FSD1L: variants seen among roughly 807,000 people sequenced by gnomAD.
The protein encoded by FSD1L is FSD1-like protein.
In FSD1L, 45 loss-of-function variants were observed where a neutral mutation model predicts 71.6. That is an observed-to-expected ratio of 0.63 (90% CI 0.49 to 0.81). FSD1L has a LOEUF of 0.81. Ranked by LOEUF, FSD1L falls within the 30% of genes least tolerant of loss-of-function variation. The pLI, the probability that FSD1L is intolerant of heterozygous loss-of-function variation, is 0.00. For synonymous variants in FSD1L, 197 were observed against 207.2 expected, an observed-to-expected ratio of 0.95 and a Z score of 0.42; for missense variants, 561 against 618.1, an observed-to-expected ratio of 0.91 and a Z score of 0.98.
rs1191519308 is a variant in FSD1L at position 105,452,669 on chromosome 9, G to GCCTGCCTGCCTGCCTTCCTT, written c.15+4437_15+4438insGCCTGCCTGCCTTCCTTCCT. Among the ~76,000 whole-genome samples the GCCTGCCTGCCTGCCTTCCTT allele has an allele frequency of 9.9e-4, 95 of 96,220 alleles. 2 individuals are homozygous for GCCTGCCTGCCTGCCTTCCTT. Among genetic ancestry groups the GCCTGCCTGCCTGCCTTCCTT allele is most frequent in the African/African-American group, 3.4e-3 (79 of 23,578 alleles). 63.1% of individuals were successfully genotyped at this position (96,220 alleles called of 152,430 possible). A position where few individuals can be genotyped will look rare whatever the true frequency, so the allele number is the denominator to read the frequency against. On this transcript the variant is annotated intron_variant, in intron 1 of 13. Transcript: ENST00000481272. ...TGCCTGCCTGCCTGCCTGCCTGCCTGCCTTCCTTCCTTCCTTCCTTCCTTC... is the reference window on the plus strand; with the variant it reads ...TGCCTGCCTGCCTGCCTGCCTGCCTGCCTGCCTGCCTGCCTTCCTTCCTTCCTTCCTTCCTTCCTTCCTTC...
At chr9:105,508,501 C>T in intron 8 of FSD1L, 116 bp from the exon 9 acceptor site, 1 of 640,842 alleles carries the variant, frequency 1.6e-6, no homozygotes, top group South Asian at 1.6e-5. Flanking sequence ...TTAACAAATT[C>T]ATACTCTTCC....
chr9:105,544,290 A>T (rs1420073754), intron 13 of FSD1L, among the ~76,000 whole-genome samples: 1 of 151,770 alleles, frequency 6.6e-6, no homozygotes, highest in African/African-American at 2.4e-5. Flanking sequence ...TTTTTCTTGT[A>T]AATTTGTTTG....
At chr9:105,510,899 T>TAC (rs1399774617) in intron 9 of FSD1L, among the ~76,000 whole-genome samples, 3 of 152,118 alleles carry the variant, frequency 2.0e-5, no homozygotes, top group Admixed American at 2.0e-4. Flanking sequence ...TGGTACTTTG[T>TAC]TTTCACAGAC....
intron 7 of FSD1L, among the ~76,000 whole-genome samples, chr9:105,498,988 T>C (rs1833603319): frequency 2.6e-5 from 4 of 152,224 alleles, no homozygotes; most frequent in Admixed American, 2.6e-4. Context: ...GTTAAGTGAT[T>C]TCTAATTTAA....
intron 1 of FSD1L, among the ~76,000 whole-genome samples, chr9:105,458,858 T>G (rs1588920304): frequency 1.3e-5 from 2 of 152,282 alleles, no homozygotes; most frequent in South Asian, 4.2e-4. Flanking sequence ...ACTTTGTGAC[T>G]TCACGTAGAG....
At position 105,535,192 on chromosome 9, in the gene FSD1L, A is replaced by T; in HGVS notation, c.1252A>T (p.Thr418Ser). 4 of 1,552,092 alleles carry T rather than the reference A, an allele frequency of 2.6e-6. No individual in the cohort carries two copies. In the South Asian group the frequency reaches 3.6e-5, roughly 14 times the overall value. The change falls in exon 12 of 14, where the codon ACT becomes TCT. Residue 418 changes from threonine to serine, a missense_variant. By Grantham distance (58) the Thr-to-Ser change is moderately conservative. Coordinates refer to ENST00000481272, the MANE Select transcript of FSD1L (RefSeq NM_001145313.3). The part of the protein sequence containing the change: ...GKFDQLGKTN[T>S]SWCIHVNNWL... The stretch of plus-strand genomic sequence containing the variant: ...ATTTGACCAATTGGGAAAGACAAAC[A>T]CTAGTTGGTGTATCCATGTCAACAA...
chr9:105,513,041 T>G (rs1312589004), intron 10 of FSD1L, 105 bp downstream of exon 10: 29 of 903,608 alleles, frequency 3.2e-5, no homozygotes, highest in Non-Finnish European at 3.9e-5. Flanking sequence ...CTATGAGAGT[T>G]ACAGTATATT....
intron 7 of FSD1L, among the ~76,000 whole-genome samples, chr9:105,490,121 A>G (rs1832825377): frequency 1.3e-5 from 2 of 152,376 alleles, no homozygotes; most frequent in Non-Finnish European, 1.5e-5. Context: ...AGTCCCACCA[A>G]CAGTGTAAAA....
intron 10 of FSD1L, chr9:105,521,193 C>T (rs1456400422): frequency 5.6e-6 from 9 of 1,614,030 alleles, no homozygotes; most frequent in East Asian, 2.2e-5. Context: ...TTCTTTCTGG[C>T]TGGAGCCAAA....
chr9:105,492,643 A>G (rs2131755985), intron 7 of FSD1L, among the ~76,000 whole-genome samples: 1 of 152,252 alleles, frequency 6.6e-6, no homozygotes, highest in South Asian at 2.1e-4. Context: ...ATTTAGTGTT[A>G]TAAATTTCCC....
At chr9:105,524,070 A>G in intron 10 of FSD1L, 1 of 1,610,546 alleles carries the variant, frequency 6.2e-7, no homozygotes, top group Non-Finnish European at 8.5e-7. Context: ...TAAGGAACTT[A>G]TAATCAAAAC....
chr9:105,535,408 G>A (rs1250138156), intron 12 of FSD1L, 90 bp downstream of exon 12: 1 of 1,339,720 alleles, frequency 7.5e-7, no homozygotes, highest in East Asian at 2.5e-5. Context: ...ATTTCCATTA[G>A]TATTGTGGGA....
chr9:105,468,137 G>GT, intron 3 of FSD1L, 56 bp from the exon 4 acceptor site: 1 of 1,254,236 alleles, frequency 8.0e-7, no homozygotes, highest in Non-Finnish European at 1.0e-6. Context: ...TACCTTTTAG[G>GT]TTTTAAATGT....
intron 7 of FSD1L, among the ~76,000 whole-genome samples, chr9:105,495,796 G>A (rs1404973410): frequency 2.6e-5 from 4 of 152,138 alleles, no homozygotes; most frequent in Non-Finnish European, 5.9e-5. Context: ...CTAACATGGT[G>A]AAACCTCCTC....
upstream of FSD1L, among the ~76,000 whole-genome samples, chr9:105,444,078 C>T (rs553760923): frequency 7.2e-4 from 109 of 152,106 alleles, 1 homozygote; most frequent in African/African-American, 2.6e-3. Context: ...GATTATACTC[C>T]AGAAAAAACA....
intron 1 of FSD1L, 63 bp from the exon 2 acceptor site, chr9:105,461,457 C>A: frequency 3.0e-6 from 2 of 664,840 alleles, no homozygotes; most frequent in Non-Finnish European, 2.5e-6. Flanking sequence ...TTAATTTATC[C>A]TGTTTTTCCT....
intron 2 of FSD1L, among the ~76,000 whole-genome samples, chr9:105,461,840 C>T (rs1037620115): frequency 1.3e-5 from 2 of 152,082 alleles, no homozygotes; most frequent in South Asian, 4.1e-4. Context: ...ATAGTGAGAC[C>T]TCGTCTCTAC....
intron 7 of FSD1L, among the ~76,000 whole-genome samples, chr9:105,503,411 T>C (rs1833883231): frequency 6.6e-6 from 1 of 152,238 alleles, no homozygotes; most frequent in East Asian, 1.9e-4. Flanking sequence ...GAAGTGACGA[T>C]GATCAATGAC....
intron 1 of FSD1L, among the ~76,000 whole-genome samples, chr9:105,449,359 T>A (rs1184180646): frequency 1.3e-5 from 2 of 152,236 alleles, no homozygotes; most frequent in Admixed American, 1.3e-4. Context: ...AGGCATTTTT[T>A]AAAAATTAGA....
Sources: gnomAD v4.1 joint callset for allele counts (sites outside exome capture counted in the v4.1 genomes callset) on GRCh38, gnomAD v4.1.1 for gene constraint, MANE v1.5 for transcripts, NCBI Gene and HGNC (gene_info 2026-07-23, HGNC 2026-07-21) for gene names.